YPEL2: variants seen among roughly 807,000 people sequenced by gnomAD.
YPEL2 encodes protein yippee-like 2.
A neutral mutation model predicts 19.1 loss-of-function variants in YPEL2; 2 were observed. That is an observed-to-expected ratio of 0.10 (90% confidence interval 0.04 to 0.33). The LOEUF (loss-of-function observed/expected upper bound fraction) is 0.33, where lower values mean the gene tolerates loss of function less well. Ranked by LOEUF, YPEL2 falls within the 10% of genes least tolerant of loss-of-function variation. The probability of loss-of-function intolerance (pLI) is 1.00; values close to 1 mark genes in which losing one functional copy is unlikely to be tolerated. For synonymous variants in YPEL2, 52 were observed against 50.0 expected (o/e 1.04, Z -0.17); for missense variants, 66 against 140.7 (o/e 0.47, Z 2.68).
chr17:59,370,849 G>A (rs2047893611), intron 2 of YPEL2, among the ~76,000 whole-genome samples: 1 of 151,806 alleles, frequency 6.6e-6, no homozygotes, highest in African/African-American at 2.4e-5. Flanking sequence ...CAGACAAGAG[G>A]AACTCAAGAG....
chr17:59,338,907 C>A (rs1266943921), intron 1 of YPEL2, among the ~76,000 whole-genome samples: 1 of 152,178 alleles, frequency 6.6e-6, no homozygotes, highest in African/African-American at 2.4e-5. Context: ...GTAACAACCC[C>A]TGAAAAACTG....
intron 2 of YPEL2, among the ~76,000 whole-genome samples, chr17:59,371,039 G>A (rs1228019195): frequency 6.6e-6 from 1 of 152,098 alleles, no homozygotes; most frequent in Non-Finnish European, 1.5e-5. Flanking sequence ...GCCCCCAGCC[G>A]AGGGAGTTAG....
At chr17:59,374,933 T>A (rs1255269156) in intron 2 of YPEL2, among the ~76,000 whole-genome samples, 1 of 152,188 alleles carries the variant, frequency 6.6e-6, no homozygotes, top group Non-Finnish European at 1.5e-5. Flanking sequence ...AAGGAAAACC[T>A]GATGTGGGAG....
rs541083202 is a variant in YPEL2, at chr17:59,352,075, G to C, written c.-195-1140G>C. On this transcript the variant is annotated intron_variant, in intron 1 of 4. Coordinates refer to ENST00000312655, the MANE Select transcript of YPEL2 (RefSeq NM_001005404.4). ...TTTGCAGGCTTTCTCTAAAGATCCA[G>C]ATGGATCCCAGACGTAGTCCAGCCA... 5.9e-5 allele frequency among the ~76,000 whole-genome samples: 9 copies of C among 152,334 alleles called. No individual in the cohort carries two copies. In the East Asian group the frequency reaches 1.5e-3, roughly 26 times the overall value.
chr17:59,377,899 T>G (rs2047930058), intron 2 of YPEL2, among the ~76,000 whole-genome samples: 2 of 152,228 alleles, frequency 1.3e-5, no homozygotes, highest in African/African-American at 4.8e-5. Context: ...ACACGTTTAT[T>G]AAATGCTTTT....
intron 2 of YPEL2, among the ~76,000 whole-genome samples, chr17:59,379,909 A>C (rs1233539586): frequency 9.2e-6 from 1 of 108,540 alleles, no homozygotes; most frequent in Non-Finnish European, 1.9e-5. Flanking sequence ...CACCCAATCT[A>C]GAGTGCAGTG....
chr17:59,374,467 C>T (rs1039657805), intron 2 of YPEL2, among the ~76,000 whole-genome samples: 2 of 152,146 alleles, frequency 1.3e-5, no homozygotes, highest in African/African-American at 4.8e-5. Flanking sequence ...AATAGAGAGG[C>T]TGAAGGTGGA....
At chr17:59,340,761 GCTGGAGTGCAGTGACGCCAT>G (rs2047725407) in intron 1 of YPEL2, among the ~76,000 whole-genome samples, 1 of 149,724 alleles carries the variant, frequency 6.7e-6, no homozygotes, top group African/African-American at 2.5e-5. Context: ...TGTTGCCCAG[GCTGGAGTGCAGTGACGCCAT>G]CTCGGTCACT....
chr17:59,385,296 G>C (rs970710127), intron 2 of YPEL2, among the ~76,000 whole-genome samples: 2 of 152,144 alleles, frequency 1.3e-5, no homozygotes, highest in Non-Finnish European at 2.9e-5. Flanking sequence ...TAGACTGGAC[G>C]CAGTGACTCA....
chr17:59,348,304 G>A (rs994764143), intron 1 of YPEL2, among the ~76,000 whole-genome samples: 3 of 152,222 alleles, frequency 2.0e-5, no homozygotes, highest in African/African-American at 7.2e-5. Flanking sequence ...CACTTCTCAG[G>A]TCAGTTTCCG....
intron 2 of YPEL2, among the ~76,000 whole-genome samples, chr17:59,364,612 CTTTT>C (rs56282847): frequency 4.6e-5 from 5 of 108,668 alleles, no homozygotes; most frequent in Non-Finnish European, 7.3e-5. Flanking sequence ...CCCTCTGTGT[CTTTT>C]TTTTTTTTTT....
intron 2 of YPEL2, among the ~76,000 whole-genome samples, chr17:59,367,320 G>T (rs923363917): frequency 6.6e-6 from 1 of 152,204 alleles, no homozygotes; most frequent in Admixed American, 6.5e-5. Context: ...AACTTCCAGA[G>T]TAGGGGCAGC....
chr17:59,380,191 C>T (rs916163286), intron 2 of YPEL2, among the ~76,000 whole-genome samples: 1 of 151,458 alleles, frequency 6.6e-6, no homozygotes, highest in African/African-American at 2.4e-5. Context: ...TTGTTTAAAG[C>T]TGCATAATAG....
At chr17:59,365,022 T>G (rs1281341905) in intron 2 of YPEL2, among the ~76,000 whole-genome samples, 2 of 152,236 alleles carry the variant, frequency 1.3e-5, no homozygotes, top group East Asian at 3.8e-4. Context: ...AATGAGGTTA[T>G]TGATGTGAAG....
At chr17:59,364,612 CTTTTTTTTTT>C (rs56282847) in intron 2 of YPEL2, among the ~76,000 whole-genome samples, 8 of 108,674 alleles carry the variant, frequency 7.4e-5, no homozygotes, top group African/African-American at 2.5e-4. Flanking sequence ...CCCTCTGTGT[CTTTTTTTTTT>C]TTTTTTTTTT....
intron 2 of YPEL2, among the ~76,000 whole-genome samples, chr17:59,371,900 T>C (rs1598043064): frequency 6.6e-6 from 1 of 152,370 alleles, no homozygotes; most frequent in East Asian, 1.9e-4. Flanking sequence ...TTCACTTCAC[T>C]GGTCTCACTT....
chr17:59,381,472 T>A (rs1432625674), intron 2 of YPEL2, among the ~76,000 whole-genome samples: 1 of 152,226 alleles, frequency 6.6e-6, no homozygotes, highest in Non-Finnish European at 1.5e-5. Flanking sequence ...GGTGAGGACC[T>A]GTATCTATCA....
intron 2 of YPEL2, among the ~76,000 whole-genome samples, chr17:59,385,289 A>C (rs1043732383): frequency 3.3e-5 from 5 of 152,196 alleles, no homozygotes; most frequent in African/African-American, 7.2e-5. Flanking sequence ...AAAATTCTAG[A>C]CTGGACGCAG....
chr17:59,357,924 G>C (rs975400597), intron 2 of YPEL2, among the ~76,000 whole-genome samples: 1 of 152,184 alleles, frequency 6.6e-6, no homozygotes, highest in Non-Finnish European at 1.5e-5. Context: ...CTGTAGAGGG[G>C]TAGTCCAGTG....
Sources: gnomAD v4.1 joint callset for allele counts (sites outside exome capture counted in the v4.1 genomes callset) on GRCh38, gnomAD v4.1.1 for gene constraint, MANE v1.5 for transcripts, NCBI Gene and HGNC (gene_info 2026-07-23, HGNC 2026-07-21) for gene names.